Variants in NUP205 observed in about 807,000 individuals in gnomAD.
The protein encoded by NUP205 is nuclear pore complex protein Nup205.
Under a neutral mutation model 253.8 loss-of-function variants are expected in NUP205, and 76 were observed. The observed-to-expected ratio is 0.30, with a 90% CI of 0.25 to 0.36. The LOEUF is 0.36. Among genes scored for constraint, NUP205 ranks in the 10% least tolerant of loss-of-function variants. The probability of loss-of-function intolerance (pLI) is 1.00; values close to 1 mark genes in which losing one functional copy is unlikely to be tolerated. For missense variants in NUP205, 2,162 were observed against 2,425.5 expected (o/e 0.89, Z 2.28); for synonymous variants, 832 against 850.1 (o/e 0.98, Z 0.37).
chr7:135,564,810 C>G (rs879498989), intron 1 of NUP205, among the ~76,000 whole-genome samples: 1 of 151,850 alleles, frequency 6.6e-6, no homozygotes. Context: ...CTCTGTCTTC[C>G]AGACTGGAGT....
chr7:135,635,456 C>CT, intron 35 of NUP205, 125 bp from the exon 36 acceptor site: 1 of 520,818 alleles, frequency 1.9e-6, no homozygotes, highest in South Asian at 4.4e-5. Flanking sequence ...GTTCTCAAAA[C>CT]TTTTTTATGG....
chr7:135,646,216 A>C lies in NUP205; in HGVS notation c.5871A>C (p.Gln1957His). Residue 1957 changes from glutamine (Q) to histidine (H), a missense_variant, in exon 42 of 43, where the codon CAA becomes CAC. Around this residue, in one of 5 missense-constraint regions of NUP205, gnomAD observed 1,144 missense variants for 1,280.9 expected, o/e 0.89. Transcript: ENST00000285968. The part of the protein sequence containing the change: ...DFRSGLAIVS[Q>H]HDLDQLQADA... ...GAAGTGGGCTGGCTATAGTGAGCCA[A>C]CATGATTTAGACCAGGTAAGGTTCT... 2 of 1,612,126 alleles carry C rather than the reference A, an allele frequency of 1.2e-6. No homozygotes were observed. Among genetic ancestry groups the C allele is most frequent in the Non-Finnish European group, 1.7e-6 (2 of 1,178,170 alleles).
chr7:135,590,833 A>G (rs560000020), intron 10 of NUP205, among the ~76,000 whole-genome samples: 10 of 152,268 alleles, frequency 6.6e-5, no homozygotes, highest in African/African-American at 2.2e-4. Context: ...GCCCAGCCAA[A>G]CCATTTTTAA....
At chr7:135,566,177 C>T (rs1339392527) in intron 1 of NUP205, among the ~76,000 whole-genome samples, 1 of 151,302 alleles carries the variant, frequency 6.6e-6, no homozygotes. Flanking sequence ...GGTGTGATCT[C>T]GGCTCACTGC....
At chr7:135,603,064 G>A in intron 18 of NUP205, 70 bp downstream of exon 18, 3 of 1,159,624 alleles carry the variant, frequency 2.6e-6, no homozygotes, top group Non-Finnish European at 3.7e-6. Flanking sequence ...TTCAAATCTG[G>A]TTAGGTATCT....
At position 135,587,701 on chromosome 7, in the gene NUP205, T is replaced by C; in HGVS notation, c.1335+10T>C. 2 of 1,570,648 alleles carry C rather than the reference T, an allele frequency of 1.3e-6. No individual in the cohort carries two copies. Among genetic ancestry groups the C allele is most frequent in the Non-Finnish European group, 1.7e-6 (2 of 1,154,812 alleles). On this transcript the variant is annotated intron_variant, in intron 9 of 42. Transcript: ENST00000285968. The stretch of plus-strand genomic sequence containing the variant: ...ACACTTAATGCTTTTGGTAAGCCAT[T>C]ATATTAGAAAGCTTGTCCTCTTTCC...
chr7:135,647,872 C>T (rs1419985686), intron 42 of NUP205, among the ~76,000 whole-genome samples: 2 of 152,168 alleles, frequency 1.3e-5, no homozygotes, highest in African/African-American at 2.4e-5. Flanking sequence ...ACTACATATG[C>T]ATTCTAGAAT....
At chr7:135,566,382 C>T (rs552277726) in intron 1 of NUP205, among the ~76,000 whole-genome samples, 1 of 152,114 alleles carries the variant, frequency 6.6e-6, no homozygotes, top group Non-Finnish European at 1.5e-5. Context: ...TGAGCCACCA[C>T]CCCTGTCTGC....
intron 6 of NUP205, among the ~76,000 whole-genome samples, chr7:135,578,357 A>G (rs1159740062): frequency 1.3e-5 from 2 of 152,230 alleles, no homozygotes; most frequent in Non-Finnish European, 2.9e-5. Flanking sequence ...ATTCTGAGAC[A>G]GTGACTGTCA....
At chr7:135,593,315 T>G in intron 12 of NUP205, 123 bp downstream of exon 12, 1 of 851,244 alleles carries the variant, frequency 1.2e-6, no homozygotes, top group Non-Finnish European at 1.8e-6. Context: ...GACAGATATA[T>G]AGCATTCTGC....
intron 15 of NUP205, among the ~76,000 whole-genome samples, chr7:135,600,134 T>C (rs967169320): frequency 6.6e-6 from 1 of 152,216 alleles, no homozygotes; most frequent in African/African-American, 2.4e-5. Flanking sequence ...CCAAACCCAG[T>C]CTTATTAAAA....
intron 22 of NUP205, among the ~76,000 whole-genome samples, chr7:135,612,068 C>T (rs1419903821): frequency 2.6e-5 from 4 of 151,798 alleles, no homozygotes; most frequent in Non-Finnish European, 4.4e-5. Flanking sequence ...TGCAGTGAGC[C>T]GAGATCGCGC....
chr7:135,570,986 A>G (rs1313303560), intron 1 of NUP205, 119 bp from the exon 2 acceptor site: 3 of 336,030 alleles, frequency 8.9e-6, no homozygotes, highest in Middle Eastern at 5.5e-4. Context: ...ATTAATTAAG[A>G]TAACTTCCTA....
At chr7:135,565,313 A>G (rs1206284519) in intron 1 of NUP205, among the ~76,000 whole-genome samples, 3 of 152,208 alleles carry the variant, frequency 2.0e-5, no homozygotes, top group African/African-American at 4.8e-5. Flanking sequence ...CATAGGAGTC[A>G]TCATTAATAC....
At chr7:135,625,067 T>A (rs1794556060) in intron 31 of NUP205, 97 bp from the exon 32 acceptor site, 2 of 969,492 alleles carry the variant, frequency 2.1e-6, no homozygotes, top group South Asian at 1.6e-5. Flanking sequence ...TGAAAAACAT[T>A]CTTCATATTT....
chr7:135,601,550 G>C (rs1200268939), intron 17 of NUP205, 43 bp downstream of exon 17: 1 of 1,576,236 alleles, frequency 6.3e-7, no homozygotes, highest in African/African-American at 1.4e-5. Flanking sequence ...CAGCTTTGAT[G>C]TTTTCATCTT....
chr7:135,598,272 T>A, intron 15 of NUP205, 65 bp downstream of exon 15: 1 of 1,370,056 alleles, frequency 7.3e-7, no homozygotes, highest in Non-Finnish European at 1.0e-6. Flanking sequence ...ATCAAAAGTA[T>A]ATGGTGCTAA....
chr7:135,587,474 T>C (rs1364000163), intron 8 of NUP205, 101 bp from the exon 9 acceptor site: 1 of 526,802 alleles, frequency 1.9e-6, no homozygotes, highest in African/African-American at 1.9e-5. Context: ...TTAAAAAATA[T>C]ATTCTTGTAT....
chr7:135,605,054 AT>A (rs34723641), intron 19 of NUP205, among the ~76,000 whole-genome samples: 11,122 of 149,536 alleles, frequency 0.074, 544 homozygotes, highest in African/African-American at 0.14. Flanking sequence ...TAGTTGAAGA[AT>A]TTTTTTTTTT....
Sources: gnomAD v4.1 joint callset for allele counts (sites outside exome capture counted in the v4.1 genomes callset) on GRCh38, gnomAD v4.1.1 for gene constraint, gnomAD v4.1.1 regional missense constraint, MANE v1.5 for transcripts, NCBI Gene and HGNC (gene_info 2026-07-23, HGNC 2026-07-21) for gene names.